The following PDE4B variants were observed in gnomAD, a reference collection of about 807,000 sequenced individuals.
The protein encoded by PDE4B is 3',5'-cyclic-AMP phosphodiesterase 4B.
In PDE4B, 20 loss-of-function variants were observed where a neutral mutation model predicts 82.2. That is an observed-to-expected ratio of 0.24 (90% CI 0.17 to 0.35). PDE4B has a LOEUF of 0.35. PDE4B is among the 10% of genes least tolerant of loss of function. The pLI, the probability that PDE4B is intolerant of heterozygous loss-of-function variation, is 1.00. For synonymous variants in PDE4B, 320 were observed against 318.9 expected (o/e 1.00, Z -0.04); for missense variants, 655 against 907.2 (o/e 0.72, Z 3.57).
chr1:66,274,163 A>ATTTTTT (rs113124574), intron 7 of PDE4B, among the ~76,000 whole-genome samples: 1 of 143,320 alleles, frequency 7.0e-6, no homozygotes, highest in Non-Finnish European at 1.5e-5. Flanking sequence ...AAAAATGGGC[A>ATTTTTT]TTTTTTTTTT....
At chr1:66,257,766 T>G in intron 5 of PDE4B, 27 bp from the exon 6 acceptor site, 1 of 1,610,782 alleles carries the variant, frequency 6.2e-7, no homozygotes. Context: ...CTTTTGTCCT[T>G]AACCGTTTAA....
chr1:65,823,693 T>A lies in PDE4B; in HGVS notation c.-71+30445T>A, dbSNP rs145517219. 3.2e-4 allele frequency among the ~76,000 whole-genome samples: 48 copies of A among 152,330 alleles called. 2 individuals are homozygous for A. Among genetic ancestry groups the A allele is most frequent in the African/African-American group, 1.1e-3 (46 of 41,574 alleles). On this transcript the variant is annotated intron_variant, in intron 1 of 16. Transcript: ENST00000341517. The stretch of plus-strand genomic sequence containing the variant: ...TGTTCAGAATATTGGTGACTTCCAC[T>A]TGCCTGCAAGTAACATCTGAACGTC...
chr1:66,012,539 A>C (rs1269792694), intron 3 of PDE4B, among the ~76,000 whole-genome samples: 2 of 152,096 alleles, frequency 1.3e-5, no homozygotes, highest in Non-Finnish European at 2.9e-5. Context: ...CAACAGGCTC[A>C]CACCCCACTT....
At chr1:65,847,294 A>T (rs1256202184) in intron 1 of PDE4B, among the ~76,000 whole-genome samples, 1 of 152,148 alleles carries the variant, frequency 6.6e-6, no homozygotes, top group Admixed American at 6.5e-5. Context: ...TGGCATAGGG[A>T]GGTTAAGCTT....
chr1:65,891,061 T>C (rs569815020), intron 1 of PDE4B, among the ~76,000 whole-genome samples: 1 of 152,112 alleles, frequency 6.6e-6, no homozygotes, highest in Non-Finnish European at 1.5e-5. Context: ...AATGGGAAAA[T>C]TGAAGGAGAA....
chr1:65,890,683 A>G (rs1035437690), intron 1 of PDE4B, among the ~76,000 whole-genome samples: 1 of 152,006 alleles, frequency 6.6e-6, no homozygotes, highest in Non-Finnish European at 1.5e-5. Flanking sequence ...AGTGTCAAAG[A>G]ATTTGGATAC....
intron 8 of PDE4B, among the ~76,000 whole-genome samples, chr1:66,341,416 T>G (rs56751351): frequency 6.6e-6 from 1 of 152,186 alleles, no homozygotes; most frequent in Non-Finnish European, 1.5e-5. Context: ...TTACGTTTCT[T>G]GAGTAAAAGG....
intron 3 of PDE4B, among the ~76,000 whole-genome samples, chr1:66,193,612 C>A (rs762973907): frequency 7.9e-5 from 12 of 152,046 alleles, no homozygotes; most frequent in Admixed American, 2.6e-4. Flanking sequence ...AAGCTTAATG[C>A]GTGAAAAGGA....
chr1:65,950,595 A>C (rs1648943463), intron 3 of PDE4B, among the ~76,000 whole-genome samples: 1 of 152,084 alleles, frequency 6.6e-6, no homozygotes, highest in South Asian at 2.1e-4. Context: ...CCTACAGGAC[A>C]CTGGAGCACA....
At chr1:66,319,314 C>T (rs1287877899) in intron 7 of PDE4B, among the ~76,000 whole-genome samples, 1 of 152,204 alleles carries the variant, frequency 6.6e-6, no homozygotes, top group Non-Finnish European at 1.5e-5. Flanking sequence ...TTCTACTCTT[C>T]ACTGACTCTT....
At chr1:66,245,534 G>C (rs1023370580) in intron 3 of PDE4B, among the ~76,000 whole-genome samples, 1 of 152,186 alleles carries the variant, frequency 6.6e-6, no homozygotes, top group Non-Finnish European at 1.5e-5. Flanking sequence ...CCCAAGGGAA[G>C]TTTGCAAGTC....
At position 66,106,795 on chromosome 1, in the gene PDE4B, C is replaced by A. The variant is rs565882667; in HGVS notation, c.282-140665C>A. ...GGATCGGTGGTGATATCCCCTTTAT[C>A]ATTTTTTATTGCATCTATTTGATTC... On this transcript the variant is annotated intron_variant, in intron 3 of 16. Transcript: ENST00000341517. Among the ~76,000 whole-genome samples, 704 of 133,324 alleles carry A rather than the reference C, an allele frequency of 5.3e-3. 3 individuals are homozygous for A. Among genetic ancestry groups the A allele is most frequent in the African/African-American group, 0.017 (654 of 37,958 alleles). The allele number at this position is 133,324 out of a possible 152,430, so 87.5% of individuals were successfully genotyped here. A position where few individuals can be genotyped will look rare whatever the true frequency, so the allele number is the denominator to read the frequency against.
At chr1:66,136,050 G>A (rs1646048941) in intron 3 of PDE4B, among the ~76,000 whole-genome samples, 1 of 152,178 alleles carries the variant, frequency 6.6e-6, no homozygotes, top group South Asian at 2.1e-4. Flanking sequence ...TTGAAGAATT[G>A]CCTACTGAAC....
intron 1 of PDE4B, among the ~76,000 whole-genome samples, chr1:65,883,029 G>T (rs1373266200): frequency 2.0e-5 from 3 of 152,100 alleles, no homozygotes; most frequent in African/African-American, 7.2e-5. Flanking sequence ...TTTGTCCTTT[G>T]TGAGCTTCAT....
At chr1:66,338,350 T>G (rs1178818440) in intron 8 of PDE4B, among the ~76,000 whole-genome samples, 1 of 136,938 alleles carries the variant, frequency 7.3e-6, no homozygotes, top group African/African-American at 2.9e-5. Context: ...GGTTGGTGGG[T>G]GATCTTGTTC....
rs1307577298 is a variant in PDE4B at position 66,050,398 on chromosome 1, T to C, written c.281+131563T>C. 2.6e-5 allele frequency: 4 copies of C among 152,106 alleles called. No homozygotes were observed. The East Asian group carries it at 5.8e-4, about 22-fold the overall frequency. 9.4% of individuals were successfully genotyped at this position (152,106 alleles called of 1,614,324 possible). On this transcript the variant is annotated intron_variant, in intron 3 of 16. Coordinates refer to ENST00000341517, the MANE Select transcript of PDE4B (RefSeq NM_002600.4). ...GAAAACAAAGCAGTGGCCTCTTGGC[T>C]CAACTTTGTGAGAACCTAATAAATT...
chr1:65,989,963 C>CAG lies in PDE4B; in HGVS notation c.281+71130_281+71131dup, dbSNP rs1383208427. The stretch of plus-strand genomic sequence containing the variant: ...CTCTTGCCTTAAACATTTTTTTTTT[C>CAG]AGAAATAAGTAATTCAGACTTTCAA... On this transcript the variant is annotated intron_variant, in intron 3 of 16. Transcript: ENST00000341517. Among the ~76,000 whole-genome samples the CAG allele has an allele frequency of 4.0e-5, 5 of 125,078 alleles. No homozygotes were observed. The East Asian group carries it at 1.2e-3, about 29-fold the overall frequency. 82.1% of individuals were successfully genotyped at this position (125,078 alleles called of 152,430 possible).
At chr1:66,229,799 T>G (rs1255708240) in intron 3 of PDE4B, among the ~76,000 whole-genome samples, 2 of 152,208 alleles carry the variant, frequency 1.3e-5, no homozygotes, top group Non-Finnish European at 2.9e-5. Context: ...ACATATTATT[T>G]AATCTAATCC....
intron 1 of PDE4B, among the ~76,000 whole-genome samples, chr1:65,849,270 G>A (rs931758427): frequency 3.3e-5 from 5 of 152,144 alleles, no homozygotes; most frequent in African/African-American, 1.2e-4. Context: ...AGGAGGGGTT[G>A]GGAAGCTGTT....
Sources: gnomAD v4.1 joint callset for allele counts (sites outside exome capture counted in the v4.1 genomes callset) on GRCh38, gnomAD v4.1.1 for gene constraint, MANE v1.5 for transcripts, NCBI Gene and HGNC (gene_info 2026-07-23, HGNC 2026-07-21) for gene names.